ATP13A2: variants seen among roughly 807,000 people sequenced by gnomAD.
ATP13A2 encodes the protein polyamine-transporting ATPase 13A2.
A neutral mutation model predicts 138.3 loss-of-function variants in ATP13A2; 83 were observed. That is an observed-to-expected ratio of 0.60 (90% CI 0.50 to 0.72). The LOEUF (loss-of-function observed/expected upper bound fraction) is 0.72. Ranked by LOEUF, ATP13A2 falls within the 30% of genes least tolerant of loss-of-function variation. The pLI is 0.00. For missense variants in ATP13A2, 1,402 were observed against 1,606.4 expected (o/e 0.87, Z 2.17); for synonymous variants, 663 against 699.0 (o/e 0.95, Z 0.81).
chr1:16,997,052 C>T lies in ATP13A2; in HGVS notation c.1163G>A (p.Gly388Glu), dbSNP rs769588580. The change falls in exon 12 of 29, where the codon GGA (glycine) becomes GAA (glutamate). Residue 388 changes from glycine (G) to glutamate (E), a missense_variant. Transcript: ENST00000326735. ...TLILQARAYV[G>E]PHVLAVVTRT... ...GGTCACCACTGCCAGGACGTGCGGT[C>T]CCACATAGGCCCGGGCCTGCAAGAT... 137 of 1,613,082 alleles carry T rather than the reference C, an allele frequency of 8.5e-5. 2 individuals are homozygous for T. In the South Asian group the frequency reaches 1.5e-3, roughly 18 times the overall value.
chr1:17,003,807 G>A (rs1388326500), intron 6 of ATP13A2, among the ~76,000 whole-genome samples: 2 of 151,934 alleles, frequency 1.3e-5, no homozygotes, highest in Non-Finnish European at 2.9e-5. Flanking sequence ...GGGATTACAG[G>A]CACATGCCAT....
In ATP13A2 at chr1:17,005,525, C is replaced by G; in HGVS notation, c.137G>C (p.Arg46Thr). The G allele has an allele frequency of 1.2e-6, 2 of 1,614,234 alleles. No individual in the cohort carries two copies. Among genetic ancestry groups the G allele is most frequent in the Non-Finnish European group, 1.7e-6 (2 of 1,180,050 alleles). Residue 46 changes from arginine (R) to threonine (T), a missense_variant, in exon 3 of 29, where the codon AGG becomes ACG. By Grantham distance (71) the Arg-to-Thr change is moderately conservative. Coordinates refer to ENST00000326735, the MANE Select transcript of ATP13A2 (RefSeq NM_022089.4). Reference sequence around the variant, plus strand: ...GACCACGACGTGATAGCCGATGACCCTCCATGGACTGCCACAGTAGCCGCT... The same window carrying G: ...GACCACGACGTGATAGCCGATGACCGTCCATGGACTGCCACAGTAGCCGCT... ...RLSGYCGSPW[R>T]VIGYHVVVWM...
Position 16,996,871 on chromosome 1 carries a change from T to TG in ATP13A2, c.1195+148dup, listed in dbSNP as rs55682704. On this transcript the variant is annotated intron_variant, in intron 12 of 28. Transcript: ENST00000326735. ...AAGATGGGAATGCTCAGACCCCAGA[T>TG]GGGGGGCAACTGGCCCGAGGTCCCA... The TG allele has an allele frequency of 0.2, 202,054 of 993,504 alleles. 24,850 individuals carry two copies. The highest frequency in any genetic ancestry group is 0.54 in the East Asian group (20,432 of 38,074). 61.5% of individuals were successfully genotyped at this position (993,504 alleles called of 1,614,324 possible). A position where few individuals can be genotyped will look rare whatever the true frequency, so the allele number is the denominator to read the frequency against.
rs769622260 is a variant in ATP13A2, at chr1:16,992,341, C to A, written c.1907G>T (p.Arg636Leu). Residue 636 changes from arginine to leucine, a missense_variant, in exon 18 of 29, where the codon CGC becomes CTC. By Grantham distance (102) the Arg-to-Leu change is moderately radical (BLOSUM62 -2). Coordinates refer to ENST00000326735, the MANE Select transcript of ATP13A2 (RefSeq NM_022089.4). Reference sequence around the variant, plus strand: ...TGGCCACGCCACCACCACACTCATGCGCTGCAGAGCCGAAGAGAAGGGGAA... The same window carrying A: ...TGGCCACGCCACCACCACACTCATGAGCTGCAGAGCCGAAGAGAAGGGGAA... ...HRFPFSSALQRMSVVVAWPGA... is the reference protein window; with the variant it reads ...HRFPFSSALQLMSVVVAWPGA... 1 of 1,612,866 alleles carries A rather than the reference C, an allele frequency of 6.2e-7. No individual in the cohort carries two copies. Among genetic ancestry groups the A allele is most frequent in the Non-Finnish European group, 8.5e-7 (1 of 1,179,750 alleles).
intron 6 of ATP13A2, 46 bp from the exon 7 acceptor site, chr1:17,002,419 G>A (rs1288580210): frequency 2.5e-6 from 4 of 1,590,934 alleles, no homozygotes; most frequent in Non-Finnish European, 3.4e-6. Context: ...GGGGCCTGAG[G>A]TCTGCATCCC....
Position 17,011,784 on chromosome 1 carries a change from G to A in ATP13A2, c.-46C>T, listed in dbSNP as rs2077809405. 7.2e-7 allele frequency: 1 copy of A among 1,387,818 alleles called. No individual in the cohort carries two copies. Among genetic ancestry groups the A allele is most frequent in the East Asian group, 3.4e-5 (1 of 29,754 alleles). 86.0% of individuals were successfully genotyped at this position (1,387,818 alleles called of 1,614,324 possible). On this transcript the variant is annotated 5_prime_UTR_variant, in exon 1 of 29. Coordinates refer to ENST00000326735, the MANE Select transcript of ATP13A2 (RefSeq NM_022089.4). The surrounding 1 kb of genome is among the most constrained non-coding windows in gnomAD (Gnocchi z 7.3). ...GCCGGCCCCGGCGCTGCGGCCCTCG[G>A]CCTGGGCCCCGGCGTGCGCAAGGCC...
chr1:16,986,376 G>C lies in ATP13A2; in HGVS notation c.3406-18C>G. The C allele has an allele frequency of 6.3e-7, 1 of 1,587,466 alleles. No homozygotes were observed. On this transcript the variant is annotated intron_variant, in intron 28 of 28. Coordinates refer to ENST00000326735, the MANE Select transcript of ATP13A2 (RefSeq NM_022089.4). The surrounding 1 kb of genome is among the most constrained non-coding windows in gnomAD (Gnocchi z 6.9). The stretch of plus-strand genomic sequence containing the variant: ...AGCACGCTCTGCAAAGGGCAGGGAG[G>C]GTGTCAGGGGCAGCCGGGGCTGAGC...
At chr1:17,009,365 G>A (rs1464090987) in intron 1 of ATP13A2, among the ~76,000 whole-genome samples, 1 of 151,852 alleles carries the variant, frequency 6.6e-6, no homozygotes, top group Non-Finnish European at 1.5e-5. Context: ...TGGGAGTTGG[G>A]GGGAGGGGCT....
chr1:16,993,852 G>T lies in ATP13A2; in HGVS notation c.1543-17C>A, dbSNP rs761210785. 4.5e-6 allele frequency: 7 copies of T among 1,539,472 alleles called. No individual in the cohort carries two copies. Among genetic ancestry groups the T allele is most frequent in the Non-Finnish European group, 6.1e-6 (7 of 1,141,264 alleles). ...GGTGCCCGTCTGTGGGAGACAGGTG[G>T]GTGGGGCAGCGATGAGTCCTGGGAT... On this transcript the variant is annotated splice_polypyrimidine_tract_variant and intron_variant, in intron 15 of 28. Coordinates refer to ENST00000326735, the MANE Select transcript of ATP13A2 (RefSeq NM_022089.4).
At position 16,997,846 on chromosome 1, in the gene ATP13A2, AGGAGG is replaced by A. The variant is rs921231957; in HGVS notation, c.1040-676_1040-672del. On this transcript the variant is annotated intron_variant, in intron 11 of 28. Transcript: ENST00000326735. Reference sequence around the variant, plus strand: ...ACAGAGTGAAACTCTGTCTCAAAAGAGGAGGGGAGGGGAGGGGATGGGGTAAGGAA... The same window carrying A: ...ACAGAGTGAAACTCTGTCTCAAAAGAGGAGGGGAGGGGATGGGGTAAGGAA... 7.8e-5 allele frequency among the ~76,000 whole-genome samples: 5 copies of A among 64,286 alleles called. No homozygotes were observed. In the Admixed American group the frequency reaches 1.2e-3, roughly 15 times the overall value. 42.2% of individuals were successfully genotyped at this position (64,286 alleles called of 152,430 possible). A position where few individuals can be genotyped will look rare whatever the true frequency, so the allele number is the denominator to read the frequency against.
chr1:16,986,604 C>T lies in ATP13A2; in HGVS notation c.3264G>A (p.Leu1088=), dbSNP rs1300083512. Residue 1088 remains leucine, a synonymous_variant, in exon 28 of 29, where the codon CTG becomes CTA. Coordinates refer to ENST00000326735, the MANE Select transcript of ATP13A2 (RefSeq NM_022089.4). The surrounding 1 kb of genome is among the most constrained non-coding windows in gnomAD (Gnocchi z 6.9). ...GGACAAGGCCCACCAGGACGGAGCT[C>T]AGGAGCGCCAGGGCCACCAGGAAGG... is the stretch of plus-strand genomic sequence containing the variant. ...NVPFLVALAL[L]SSVLVGLVLV... is the part of the protein sequence containing the mutation. 1 of 1,610,542 alleles carries T rather than the reference C, an allele frequency of 6.2e-7. No homozygotes were observed. The highest frequency in any genetic ancestry group is 1.1e-5 in the South Asian group (1 of 91,018).
chr1:17,000,543 G>A lies in ATP13A2; in HGVS notation c.706-9C>T, dbSNP rs1241292047. Reference sequence around the variant, plus strand: ...TAGTAGGGGTTCAGTGCCTGGGGGAGGGGCGGGAGGCAGCGTCAGGGCCGC... The same window carrying A: ...TAGTAGGGGTTCAGTGCCTGGGGGAAGGGCGGGAGGCAGCGTCAGGGCCGC... On this transcript the variant is annotated splice_polypyrimidine_tract_variant and intron_variant, in intron 8 of 28. Coordinates refer to ENST00000326735, the MANE Select transcript of ATP13A2 (RefSeq NM_022089.4). The A allele has an allele frequency of 6.2e-7, 1 of 1,612,040 alleles. No homozygotes were observed. Among genetic ancestry groups the A allele is most frequent in the East Asian group, 2.2e-5 (1 of 44,800 alleles).
At chr1:16,994,587 A>G (rs1201399095) in intron 15 of ATP13A2, among the ~76,000 whole-genome samples, 3 of 151,658 alleles carry the variant, frequency 2.0e-5, no homozygotes, top group African/African-American at 7.3e-5. Flanking sequence ...CCCATCCTAG[A>G]CTCTAACTGC....
At position 17,000,437 on chromosome 1, in the gene ATP13A2, G is replaced by C. The variant is rs757290454; in HGVS notation, c.803C>G (p.Ser268Cys). 1 of 1,614,082 alleles carries C rather than the reference G, an allele frequency of 6.2e-7. No individual in the cohort carries two copies. The highest frequency in any genetic ancestry group is 1.1e-5 in the South Asian group (1 of 91,082). ...WYALCIFLIS[S>C]ISICLSLYKT... ...GTACAGCGACAGGCAGATGGAGATG[G>C]AGGAAATGAGGAAGATGCACAGGGC... The change falls in exon 9 of 29, where the codon TCC becomes TGC. Residue 268 changes from serine (S) to cysteine (C), a missense_variant. Physicochemically the swap from Ser to Cys is moderately radical, Grantham distance 112 (BLOSUM62 -1). Transcript: ENST00000326735.
In ATP13A2 at chr1:16,996,251, T is replaced by C. The variant is rs1330790328; in HGVS notation, c.1353+3A>G. The C allele has an allele frequency of 6.2e-7, 1 of 1,614,010 alleles. No individual in the cohort carries two copies. Among genetic ancestry groups the C allele is most frequent in the African/African-American group, 1.3e-5 (1 of 74,924 alleles). On this transcript the variant is annotated splice_donor_region_variant and intron_variant, in intron 14 of 28. Transcript: ENST00000326735. ...CACCCCCCACCCCACCCCCAAGGCTTACCCGGTTTCGGTAGAGGATGAAGA... is the reference window on the plus strand; with the variant it reads ...CACCCCCCACCCCACCCCCAAGGCTCACCCGGTTTCGGTAGAGGATGAAGA...
Position 16,992,391 on chromosome 1 carries a change from CG to C in ATP13A2, c.1856del (p.Pro619ArgfsTer19). On this transcript the variant is annotated frameshift_variant, in exon 18 of 29. Coordinates refer to ENST00000326735, the MANE Select transcript of ATP13A2 (RefSeq NM_022089.4). LOFTEE classifies it high-confidence loss of function. Reference protein sequence around the residue: ...EPQLQAMEEPPVPVSVLHRFP... With the variant: ...EPQLQAMEEPXVPVSVLHRFP... ...AGCGGTGGAGGACGCTGACTGGCACCGGGGGCTCCTCCTGCAGGGTTGGAGA... is the reference window on the plus strand; with the variant it reads ...AGCGGTGGAGGACGCTGACTGGCACCGGGGCTCCTCCTGCAGGGTTGGAGA... The C allele has an allele frequency of 6.2e-7, 1 of 1,613,704 alleles. No individual in the cohort carries two copies. The highest frequency in any genetic ancestry group is 8.5e-7 in the Non-Finnish European group (1 of 1,179,918).
chr1:17,008,001 G>GT (rs2077626838), intron 1 of ATP13A2, among the ~76,000 whole-genome samples: 1 of 152,116 alleles, frequency 6.6e-6, no homozygotes, highest in Non-Finnish European at 1.5e-5. Flanking sequence ...CATGGCTAAC[G>GT]TATCAACCCT....
intron 25 of ATP13A2, 128 bp from the exon 26 acceptor site, chr1:16,987,397 G>A (rs2076775479): frequency 2.2e-6 from 2 of 910,984 alleles, no homozygotes; most frequent in Non-Finnish European, 3.5e-6. Context: ...GTCTAATGGG[G>A]GCCGTACTCT....
chr1:16,996,348 G>C, intron 13 of ATP13A2, 38 bp downstream of exon 13: 1 of 1,613,958 alleles, frequency 6.2e-7, no homozygotes, highest in South Asian at 1.1e-5. Flanking sequence ...CCAGGTGGGG[G>C]GGGCTATGGG....
Sources: gnomAD v4.1 joint callset for allele counts (sites outside exome capture counted in the v4.1 genomes callset) on GRCh38, gnomAD v4.1.1 for gene constraint, Gnocchi (gnomAD v3.1) non-coding constraint, MANE v1.5 for transcripts, NCBI Gene and HGNC (gene_info 2026-07-23, HGNC 2026-07-21) for gene names.